GIMD1: variants seen among roughly 807,000 people sequenced by gnomAD.
GIMD1 encodes the protein GTPase IMAP family member GIMD1.
A neutral mutation model predicts 14.9 loss-of-function variants in GIMD1; 14 were observed. The ratio of observed to expected loss-of-function variants is 0.94; its 90% CI spans 0.62 to 1.47. The LOEUF (loss-of-function observed/expected upper bound fraction) is 1.47, where lower values mean the gene tolerates loss of function less well. Among genes scored for constraint, GIMD1 ranks in the 40% most tolerant of loss-of-function variants. The probability of loss-of-function intolerance (pLI) is 0.00; values close to 1 mark genes in which losing one functional copy is unlikely to be tolerated. For missense variants in GIMD1, 272 were observed against 255.3 expected (o/e 1.07, Z -0.44); for synonymous variants, 91 against 90.5 (o/e 1.01, Z -0.03).
At chr4:106,360,550 T>C (rs917554313) in intron 2 of GIMD1, among the ~76,000 whole-genome samples, 1 of 151,968 alleles carries the variant, frequency 6.6e-6, no homozygotes, top group Non-Finnish European at 1.5e-5. Context: ...TGAGCAGTGA[T>C]GTTATGGGTT....
At position 106,366,960 on chromosome 4, in the gene GIMD1, T is replaced by TAA. The variant is rs1491259241; in HGVS notation, c.393+82_393+83insTT. 1,805 of 258,826 alleles carry TAA rather than the reference T, an allele frequency of 7.0e-3. 30 individuals carry two copies. The highest frequency in any genetic ancestry group is 0.037 in the African/African-American group (1,576 of 42,944). The allele number at this position is 258,826 out of a possible 1,614,324, so 16.0% of individuals were successfully genotyped here. A position where few individuals can be genotyped will look rare whatever the true frequency, so the allele number is the denominator to read the frequency against. On this transcript the variant is annotated intron_variant, in intron 2 of 2. Transcript: ENST00000638719. ...TACTAATAGTATAATAATAATAATA[T>TAA]TATTATTATTATTATTATACTATTA...
chr4:106,360,589 T>C (rs900766681), intron 2 of GIMD1, among the ~76,000 whole-genome samples: 3 of 151,984 alleles, frequency 2.0e-5, no homozygotes, highest in Non-Finnish European at 2.9e-5. Context: ...AACTCATGTG[T>C]TGAAATTCCG....
At position 106,367,297 on chromosome 4, in the gene GIMD1, A is replaced by AACAT; in HGVS notation, c.135_138dup (p.Cys47MetfsTer3). The AACAT allele has an allele frequency of 6.5e-7, 1 of 1,535,996 alleles. No homozygotes were observed. Among genetic ancestry groups the AACAT allele is most frequent in the Non-Finnish European group, 8.7e-7 (1 of 1,146,836 alleles). ...AGGTGACAACTGCGGCCCAGGCTAC[A>AACAT]ACATGTGGTCACAGAACAGGGAGCA... On this transcript the variant is annotated frameshift_variant, in exon 2 of 3. Transcript: ENST00000638719. LOFTEE classifies it high-confidence loss of function.
At chr4:106,360,678 G>T (rs547531891) in intron 2 of GIMD1, among the ~76,000 whole-genome samples, 2 of 151,966 alleles carry the variant, frequency 1.3e-5, no homozygotes, top group African/African-American at 4.8e-5. Context: ...AGGTCATTAG[G>T]GTGAGTCCCT....
At chr4:106,366,276 A>T (rs753617651) in intron 2 of GIMD1, among the ~76,000 whole-genome samples, 1 of 152,168 alleles carries the variant, frequency 6.6e-6, no homozygotes, top group Non-Finnish European at 1.5e-5. Context: ...AATGCTCACT[A>T]TGACTTAAGT....
At chr4:106,366,924 A>G (rs1357763242) in intron 2 of GIMD1, 119 bp downstream of exon 2, 1 of 312,596 alleles carries the variant, frequency 3.2e-6, no homozygotes, top group Non-Finnish European at 5.2e-6. Flanking sequence ...ATTATGTACT[A>G]TATTATTATA....
intron 1 of GIMD1, among the ~76,000 whole-genome samples, chr4:106,368,369 A>G (rs3018066): frequency 0.38 from 58,251 of 151,988 alleles, 11,277 homozygotes; most frequent in South Asian, 0.51. Flanking sequence ...CCACGCTACC[A>G]ATTCAGAAAT....
chr4:106,365,905 C>CAGGGCTGTGTGGACT (rs1770692634), intron 2 of GIMD1, among the ~76,000 whole-genome samples: 1 of 150,910 alleles, frequency 6.6e-6, no homozygotes, highest in African/African-American at 2.4e-5. Context: ...ATAGTCCACA[C>CAGGGCTGTGTGGACT]ATCATATGCA....
chr4:106,362,996 G>A (rs1770637484), intron 2 of GIMD1, among the ~76,000 whole-genome samples: 1 of 151,804 alleles, frequency 6.6e-6, no homozygotes, highest in Non-Finnish European at 1.5e-5. Context: ...CACTAAATTG[G>A]GGCTCTTCAA....
intron 2 of GIMD1, among the ~76,000 whole-genome samples, chr4:106,363,410 G>C (rs3113255): frequency 6.6e-6 from 1 of 152,092 alleles, no homozygotes; most frequent in Admixed American, 6.6e-5. Context: ...AACCCATCTC[G>C]TAATCTCTAT....
At chr4:106,365,460 G>A (rs1400771816) in intron 2 of GIMD1, among the ~76,000 whole-genome samples, 1 of 151,436 alleles carries the variant, frequency 6.6e-6, no homozygotes, top group Non-Finnish European at 1.5e-5. Context: ...TCACGTAGAA[G>A]TATCTTTTCT....
At chr4:106,368,103 C>T (rs957361822) in intron 1 of GIMD1, among the ~76,000 whole-genome samples, 1 of 151,860 alleles carries the variant, frequency 6.6e-6, no homozygotes, top group Non-Finnish European at 1.5e-5. Flanking sequence ...CTTGTAATTT[C>T]TGTTATAAAA....
In GIMD1 at chr4:106,367,326, CT is replaced by C; in HGVS notation, c.109del (p.Ser37AlafsTer7). The C allele has an allele frequency of 6.5e-7, 1 of 1,536,038 alleles. No individual in the cohort carries two copies. Among genetic ancestry groups the C allele is most frequent in the Non-Finnish European group, 8.7e-7 (1 of 1,146,860 alleles). On this transcript the variant is annotated frameshift_variant, in exon 2 of 3. Transcript: ENST00000638719. LOFTEE classifies it high-confidence loss of function. The part of the protein sequence containing the change: ...ILLGSTDFHS[S>X]FAPCSVTTCC... ...TGTGGTCACAGAACAGGGAGCAAAG[CT>C]GCTGTGAAAGTCTGTGCTTCCCAGC...
Position 106,357,894 on chromosome 4 carries a change from T to C in GIMD1, c.*289A>G. The C allele has an allele frequency of 4.7e-6, 1 of 214,346 alleles. No homozygotes were observed. The highest frequency in any genetic ancestry group is 9.3e-6 in the Non-Finnish European group (1 of 107,184). 13.3% of individuals were successfully genotyped at this position (214,346 alleles called of 1,614,324 possible). A position where few individuals can be genotyped will look rare whatever the true frequency, so the allele number is the denominator to read the frequency against. On this transcript the variant is annotated 3_prime_UTR_variant, in exon 3 of 3. Transcript: ENST00000638719. ...GTCTGTATGTTTAGCTTTTGAATAG[T>C]AGTTCCATGAACATTATTGTGCATA...
At chr4:106,359,840 G>A (rs1013760123) in intron 2 of GIMD1, among the ~76,000 whole-genome samples, 1 of 151,754 alleles carries the variant, frequency 6.6e-6, no homozygotes, top group Non-Finnish European at 1.5e-5. Flanking sequence ...AGAACTACGG[G>A]ACAAAACATT....
At position 106,367,258 on chromosome 4, in the gene GIMD1, G is replaced by A. The variant is rs779850471; in HGVS notation, c.178C>T (p.Arg60Cys). 1.6e-4 allele frequency: 240 copies of A among 1,535,594 alleles called. No individual in the cohort carries two copies. Among genetic ancestry groups the A allele is most frequent in the Middle Eastern group, 1.7e-4 (1 of 6,010 alleles). ...AGGGCTACCTCTAGCCCACCTCGAC[G>A]CATGAAGCTGTGGAGGTGACAACTG... ...GRSCHLHSFM[R>C]RGGLEVALQV... Residue 60 changes from arginine (R) to cysteine (C), a missense_variant, in exon 2 of 3, where the codon CGT (arginine) becomes TGT (cysteine). Coordinates refer to ENST00000638719, the MANE Select transcript of GIMD1 (RefSeq NM_001195138.2).
At chr4:106,359,170 G>A (rs1279563968) in intron 2 of GIMD1, among the ~76,000 whole-genome samples, 1 of 151,928 alleles carries the variant, frequency 6.6e-6, no homozygotes, top group African/African-American at 2.4e-5. Flanking sequence ...ATATAAAGCA[G>A]AAGTAACAGC....
chr4:106,361,810 T>A (rs1407645354), intron 2 of GIMD1, among the ~76,000 whole-genome samples: 1 of 152,116 alleles, frequency 6.6e-6, no homozygotes, highest in African/African-American at 2.4e-5. Flanking sequence ...CCTTAAATAT[T>A]TTTGAAATAC....
chr4:106,365,563 G>A (rs1013607972), intron 2 of GIMD1, among the ~76,000 whole-genome samples: 20 of 152,216 alleles, frequency 1.3e-4, no homozygotes, highest in African/African-American at 4.3e-4. Context: ...TGAACCAAAA[G>A]AAGGGTAGCA....
Sources: allele counts gnomAD v4.1 joint callset (sites outside exome capture counted in the v4.1 genomes callset), GRCh38; gene constraint gnomAD v4.1.1; transcripts MANE v1.5; gene names NCBI Gene and HGNC (gene_info 2026-07-23, HGNC 2026-07-21).